COL26A1: variants seen among roughly 807,000 people sequenced by gnomAD.
The protein encoded by COL26A1 is collagen type XXVI alpha 1 chain, also known as collagen alpha-1(XXVI) chain.
Under a neutral mutation model 59.3 loss-of-function variants are expected in COL26A1, and 41 were observed. The ratio of observed to expected loss-of-function variants is 0.69; its 90% CI spans 0.54 to 0.90. The LOEUF is 0.90. Ranked by LOEUF, COL26A1 falls within the 40% of genes least tolerant of loss-of-function variation. COL26A1 has a pLI of 0.00. For missense variants in COL26A1, 612 were observed against 602.3 expected (o/e 1.02, Z -0.17); for synonymous variants, 266 against 256.0 (o/e 1.04, Z -0.37).
intron 3 of COL26A1, among the ~76,000 whole-genome samples, chr7:101,528,436 T>A (rs1381486790): frequency 6.6e-6 from 1 of 151,990 alleles, no homozygotes; most frequent in African/African-American, 2.4e-5. Context: ...CCTCCTCCTC[T>A]TCCCTCAGGC....
rs1794400348 is a variant in COL26A1 at position 101,489,838 on chromosome 7, CTTTCTT to C, written c.385+42053_385+42058del. On this transcript the variant is annotated intron_variant, in intron 3 of 12. Coordinates refer to ENST00000313669, the MANE Select transcript of COL26A1 (RefSeq NM_001278563.3). ...TCTTTCTTTCTTTCTTTCTTTCTTTCTTTCTTTCTTTCTTTCTTTCTTTCTTTCTTT... is the reference window on the plus strand; with the variant it reads ...TCTTTCTTTCTTTCTTTCTTTCTTTCTCTTTCTTTCTTTCTTTCTTTCTTT... 6.1e-4 allele frequency among the ~76,000 whole-genome samples: 11 copies of C among 18,032 alleles called. 3 individuals carry two copies. Among genetic ancestry groups the C allele is most frequent in the African/African-American group, 4.4e-3 (11 of 2,476 alleles). 11.8% of individuals were successfully genotyped at this position (18,032 alleles called of 152,430 possible).
At chr7:101,483,352 C>T (rs141759824) in intron 3 of COL26A1, among the ~76,000 whole-genome samples, 2,485 of 151,754 alleles carry the variant, frequency 0.016, 44 homozygotes, top group African/African-American at 0.044. Flanking sequence ...CACATGCCAC[C>T]GTACTCGGCT....
intron 1 of COL26A1, among the ~76,000 whole-genome samples, chr7:101,404,892 AT>A (rs1792091547): frequency 6.7e-6 from 1 of 149,308 alleles, no homozygotes; most frequent in Non-Finnish European, 1.5e-5. Flanking sequence ...ACAGAGTGAG[AT>A]TTTGTCTCCA....
At chr7:101,367,723 T>C (rs1326431137) in intron 1 of COL26A1, among the ~76,000 whole-genome samples, 3 of 150,534 alleles carry the variant, frequency 2.0e-5, no homozygotes, top group East Asian at 1.9e-4. Flanking sequence ...CTCTTTGCCA[T>C]GTGAGGACAC....
intron 3 of COL26A1, among the ~76,000 whole-genome samples, chr7:101,518,346 G>A (rs991345123): frequency 3.9e-5 from 6 of 152,254 alleles, no homozygotes; most frequent in South Asian, 2.1e-4. Flanking sequence ...GTGTCAGGCC[G>A]CTCCCCACCC....
intron 3 of COL26A1, among the ~76,000 whole-genome samples, chr7:101,470,703 G>A (rs1182452164): frequency 1.3e-5 from 2 of 152,022 alleles, no homozygotes; most frequent in East Asian, 1.9e-4. Flanking sequence ...CAACCTGGAA[G>A]CTCCATAATC....
chr7:101,427,795 C>G (rs1384673030), intron 2 of COL26A1, among the ~76,000 whole-genome samples: 1 of 152,120 alleles, frequency 6.6e-6, no homozygotes, highest in Non-Finnish European at 1.5e-5. Flanking sequence ...AGCCATTGCA[C>G]CTGGCTGTCT....
At chr7:101,373,998 C>T (rs1791251359) in intron 1 of COL26A1, among the ~76,000 whole-genome samples, 1 of 152,046 alleles carries the variant, frequency 6.6e-6, no homozygotes. Context: ...CGGACCAATT[C>T]AGCCTGGGGC....
intron 1 of COL26A1, among the ~76,000 whole-genome samples, chr7:101,416,911 T>C: frequency 8.6e-6 from 1 of 116,092 alleles, no homozygotes; most frequent in Admixed American, 8.6e-5. Flanking sequence ...CTGGCTAATT[T>C]TTGTATATTT....
intron 1 of COL26A1, among the ~76,000 whole-genome samples, chr7:101,383,267 G>A (rs1430751784): frequency 6.6e-6 from 1 of 151,264 alleles, no homozygotes; most frequent in African/African-American, 2.5e-5. Flanking sequence ...AGCTACCTTT[G>A]TGAATTTTCA....
At chr7:101,400,795 G>T (rs1160594256) in intron 1 of COL26A1, among the ~76,000 whole-genome samples, 1 of 152,122 alleles carries the variant, frequency 6.6e-6, no homozygotes, top group Non-Finnish European at 1.5e-5. Flanking sequence ...TTGACCTCAG[G>T]TGATCCACCC....
chr7:101,471,564 G>GTTTTTTTTTTTTTTTTTTTT (rs1562997549), intron 3 of COL26A1, among the ~76,000 whole-genome samples: 1 of 129,024 alleles, frequency 7.8e-6, no homozygotes, highest in African/African-American at 3.1e-5. Flanking sequence ...TGTTGTTGTT[G>GTTTTTTTTTTTTTTTTTTTT]TTGTTTGTTT....
chr7:101,499,935 A>T (rs1299562352), intron 3 of COL26A1, among the ~76,000 whole-genome samples: 1 of 151,432 alleles, frequency 6.6e-6, no homozygotes, highest in South Asian at 2.1e-4. Flanking sequence ...TTTAAAATGT[A>T]TTCAGGCACA....
chr7:101,367,864 A>G (rs1036148033), intron 1 of COL26A1, among the ~76,000 whole-genome samples: 2 of 152,148 alleles, frequency 1.3e-5, no homozygotes, highest in Non-Finnish European at 2.9e-5. Flanking sequence ...TACTTAAGCC[A>G]TTCAGTCTGT....
chr7:101,494,905 G>T (rs1417112858), intron 3 of COL26A1, among the ~76,000 whole-genome samples: 1 of 152,220 alleles, frequency 6.6e-6, no homozygotes, highest in Non-Finnish European at 1.5e-5. Flanking sequence ...GTGCTGCCTA[G>T]AGTTGGTCGT....
At position 101,362,915 on chromosome 7, in the gene COL26A1, C is replaced by T; in HGVS notation, c.-118C>T. 1.8e-6 allele frequency: 2 copies of T among 1,102,242 alleles called. No individual in the cohort carries two copies. Among genetic ancestry groups the T allele is most frequent in the East Asian group, 3.0e-5 (1 of 33,088 alleles). The allele number at this position is 1,102,242 out of a possible 1,614,324, so 68.3% of individuals were successfully genotyped here. A position where few individuals can be genotyped will look rare whatever the true frequency, so the allele number is the denominator to read the frequency against. ...CCAGCTCGCACCCGGGCTCCGACCG[C>T]TCGCCCCGCTCCTCTCGCTGTGCTC... On this transcript the variant is annotated 5_prime_UTR_variant, in exon 1 of 13. Coordinates refer to ENST00000313669, the MANE Select transcript of COL26A1 (RefSeq NM_001278563.3).
intron 2 of COL26A1, among the ~76,000 whole-genome samples, chr7:101,438,354 C>T (rs535459604): frequency 6.6e-6 from 1 of 151,446 alleles, no homozygotes; most frequent in Non-Finnish European, 1.5e-5. Context: ...GAGCGAGACT[C>T]CGTCTCAAAA....
At chr7:101,426,463 C>T (rs1792651432) in intron 2 of COL26A1, among the ~76,000 whole-genome samples, 1 of 152,172 alleles carries the variant, frequency 6.6e-6, no homozygotes, top group South Asian at 2.1e-4. Flanking sequence ...CCATGACCTT[C>T]CTCAAGGTCG....
intron 11 of COL26A1, 28 bp from the exon 12 acceptor site, chr7:101,555,759 C>T: frequency 6.3e-7 from 1 of 1,585,058 alleles, no homozygotes; most frequent in Non-Finnish European, 8.6e-7. Flanking sequence ...ATGGCCGGCC[C>T]TGACCCTGCC....
Sources: gnomAD v4.1 joint callset for allele counts (sites outside exome capture counted in the v4.1 genomes callset) on GRCh38, gnomAD v4.1.1 for gene constraint, MANE v1.5 for transcripts, NCBI Gene and HGNC (gene_info 2026-07-23, HGNC 2026-07-21) for gene names.